Variants in TACO1 observed in about 807,000 individuals in gnomAD.
The protein encoded by TACO1 is translational activator of cytochrome c oxidase 1.
TACO1 carries 13 observed loss-of-function variants against 24.0 expected under a neutral mutation model. The ratio of observed to expected loss-of-function variants is 0.54; its 90% CI spans 0.35 to 0.86. TACO1 has a LOEUF of 0.86. Ranked by LOEUF, TACO1 falls within the 40% of genes least tolerant of loss-of-function variation. The pLI is 0.01. For missense variants in TACO1, 352 were observed against 380.1 expected, an observed-to-expected ratio of 0.93 and a Z score of 0.61; for synonymous variants, 149 against 153.5, an observed-to-expected ratio of 0.97 and a Z score of 0.22.
At position 63,602,090 on chromosome 17, in the gene TACO1, C is replaced by CAAAAA. The variant is rs11288092; in HGVS notation, c.280+744_280+748dup. Among the ~76,000 whole-genome samples the CAAAAA allele has an allele frequency of 2.6e-4, 22 of 84,216 alleles. 1 individual carries two copies. The highest frequency in any genetic ancestry group is 3.3e-4 in the East Asian group (1 of 3,024). The allele number at this position is 84,216 out of a possible 152,430, so 55.2% of individuals were successfully genotyped here. A position where few individuals can be genotyped will look rare whatever the true frequency, so the allele number is the denominator to read the frequency against. ...GAAACCCTGTGTCTACTAAAAATAA[C>CAAAAA]AAAAAAAAAAAAAAAAAAAAACAGC... On this transcript the variant is annotated intron_variant, in intron 1 of 4. Transcript: ENST00000258975.
intron 3 of TACO1, 167 bp downstream of exon 3, chr17:63,606,607 A>G: frequency 1.3e-6 from 1 of 792,274 alleles, no homozygotes; most frequent in Non-Finnish European, 2.1e-6. Flanking sequence ...GTGCAATGGC[A>G]TGATCTTGGC....
intron 4 of TACO1, 142 bp from the exon 5 acceptor site, chr17:63,607,660 A>C: frequency 1.0e-6 from 1 of 972,858 alleles, no homozygotes. Flanking sequence ...GAGTCAAAAC[A>C]TTGAAAACGA....
In TACO1 at chr17:63,601,332, A is replaced by G; in HGVS notation, c.249A>G (p.Lys83=). Residue 83 remains lysine (K), a synonymous_variant, in exon 1 of 5, where the codon AAA becomes AAG. Coordinates refer to ENST00000258975, the MANE Select transcript of TACO1 (RefSeq NM_016360.4). ...KDVERSRIFS[K]LCLNIRLAVK... ...TCGAAAGGAGTCGCATCTTCTCCAA[A>G]CTCTGTTTGAACATCCGCCTGGCAG... 6.2e-7 allele frequency: 1 copy of G among 1,612,910 alleles called. No individual in the cohort carries two copies. Among genetic ancestry groups the G allele is most frequent in the South Asian group, 1.1e-5 (1 of 91,030 alleles).
rs368499145 is a variant in TACO1, at chr17:63,604,605, C to G, written c.352C>G (p.Pro118Ala). ...AGAGGTGTGTCGCAGCAAACATATG[C>G]CCAAGTCAACGATTGAGACAGCACT... is the stretch of plus-strand genomic sequence containing the variant. ...ILEVCRSKHMPKSTIETALKM... is the reference protein window; with the variant it reads ...ILEVCRSKHMAKSTIETALKM... Residue 118 changes from proline (P) to alanine (A), a missense_variant, in exon 2 of 5, where the codon CCC (proline) becomes GCC (alanine). Physicochemically the swap from Pro to Ala is conservative, Grantham distance 27. Transcript: ENST00000258975. 1.2e-6 allele frequency: 2 copies of G among 1,613,972 alleles called. No individual in the cohort carries two copies. Among genetic ancestry groups the G allele is most frequent in the Non-Finnish European group, 1.7e-6 (2 of 1,180,026 alleles).
Position 63,608,172 on chromosome 17 carries a change from C to T in TACO1, c.*170C>T, listed in dbSNP as rs1036596937. 1.4e-6 allele frequency: 1 copy of T among 729,148 alleles called. No homozygotes were observed. Among genetic ancestry groups the T allele is most frequent in the South Asian group, 1.6e-5 (1 of 63,678 alleles). 45.2% of individuals were successfully genotyped at this position (729,148 alleles called of 1,614,324 possible). ...GCCAAAGGAATCTCACTTGTGGGGC[C>T]TCCTTGTCAGCTCTGCTGCTGTCTC... On this transcript the variant is annotated 3_prime_UTR_variant, in exon 5 of 5. Transcript: ENST00000258975.
chr17:63,606,796 G>A, intron 3 of TACO1: 1 of 366,968 alleles, frequency 2.7e-6, no homozygotes, highest in Non-Finnish European at 5.2e-6. Context: ...TGATCCACCT[G>A]CCTCAGCCTC....
In TACO1 at chr17:63,607,899, C is replaced by T; in HGVS notation, c.791C>T (p.Ser264Leu). ...TGTGCACTAGAGTTCATCCCCAACT[C>T]AAAGGTGCAGCTGGCTGAGCCCGAC... Reference protein sequence around the residue: ...VSCALEFIPNSKVQLAEPDLE... With the variant: ...VSCALEFIPNLKVQLAEPDLE... The change falls in exon 5 of 5, where the codon TCA (serine) becomes TTA (leucine). Residue 264 changes from serine (S) to leucine (L), a missense_variant. Physicochemically the swap from Ser to Leu is moderately radical, Grantham distance 145. Transcript: ENST00000258975. 1.9e-6 allele frequency: 3 copies of T among 1,614,230 alleles called. No homozygotes were observed. The highest frequency in any genetic ancestry group is 2.5e-6 in the Non-Finnish European group (3 of 1,180,046).
chr17:63,607,333 G>A lies in TACO1; in HGVS notation c.562G>A (p.Val188Met). The A allele has an allele frequency of 6.2e-7, 1 of 1,614,212 alleles. No homozygotes were observed. The highest frequency in any genetic ancestry group is 8.5e-7 in the Non-Finnish European group (1 of 1,180,042). Residue 188 changes from valine (V) to methionine (M), a missense_variant, in exon 4 of 5, where the codon GTG (valine) becomes ATG (methionine). Coordinates refer to ENST00000258975, the MANE Select transcript of TACO1 (RefSeq NM_016360.4). ...GARHSFDKKG[V>M]IVVEVEDREK... ...TCGTCACTCTTTTGACAAAAAGGGG[G>A]TGATTGTGGTTGAAGTGGAGGACAG... is the stretch of plus-strand genomic sequence containing the variant.
In TACO1 at chr17:63,601,169, C is replaced by T. The variant is rs769783943; in HGVS notation, c.86C>T (p.Pro29Leu). The change falls in exon 1 of 5, where the codon CCG becomes CTG. Residue 29 changes from proline to leucine, a missense_variant. Coordinates refer to ENST00000258975, the MANE Select transcript of TACO1 (RefSeq NM_016360.4). Reference sequence around the variant, plus strand: ...GGCCCCGGGGTCAGGGCGGCTCCTCCGCGCGACCCCCGGCCCTCCCACCCC... The same window carrying T: ...GGCCCCGGGGTCAGGGCGGCTCCTCTGCGCGACCCCCGGCCCTCCCACCCC... Reference protein sequence around the residue: ...ARGPGVRAAPPRDPRPSHPEP... With the variant: ...ARGPGVRAAPLRDPRPSHPEP... 18 of 1,546,578 alleles carry T rather than the reference C, an allele frequency of 1.2e-5. 1 individual carries two copies. In the South Asian group the frequency reaches 2.1e-4, roughly 18 times the overall value.
intron 1 of TACO1, among the ~76,000 whole-genome samples, chr17:63,603,613 G>C (rs1001670168): frequency 8.5e-5 from 13 of 152,264 alleles, no homozygotes; most frequent in South Asian, 2.1e-4. Context: ...GGCTGAGGCA[G>C]GAGAATCCCT....
chr17:63,606,052 G>A (rs1183934811), intron 2 of TACO1, among the ~76,000 whole-genome samples: 2 of 152,152 alleles, frequency 1.3e-5, no homozygotes, highest in East Asian at 3.9e-4. Context: ...CATTTGGTTA[G>A]GGATGGTAGG....
Position 63,607,438 on chromosome 17 carries a change from G to A in TACO1, c.667G>A (p.Asp223Asn). 2 of 1,614,216 alleles carry A rather than the reference G, an allele frequency of 1.2e-6. No individual in the cohort carries two copies. Among genetic ancestry groups the A allele is most frequent in the South Asian group, 1.1e-5 (1 of 91,088 alleles). The change falls in exon 4 of 5, where the codon GAT becomes AAT. Residue 223 changes from aspartate to asparagine, a missense_variant. Asp to Asn is a conservative substitution (Grantham distance 23). Transcript: ENST00000258975. ...AGAEDVKETE[D>N]EEERNVFKFI... is the part of the protein sequence containing the mutation. ...AGCTGAGGATGTCAAGGAAACTGAA[G>A]ATGAAGAAGAAAGGAACGTTTTTAA... is the stretch of plus-strand genomic sequence containing the variant.
Position 63,602,388 on chromosome 17 carries a change from C to A in TACO1, c.280+1025C>A, listed in dbSNP as rs112966072. On this transcript the variant is annotated intron_variant, in intron 1 of 4. Transcript: ENST00000258975. ...TTCTCTGAAACAAGGATAATACCCACCTTGAGGTAGTTTATGGTTTATGGC... is the reference window on the plus strand; with the variant it reads ...TTCTCTGAAACAAGGATAATACCCAACTTGAGGTAGTTTATGGTTTATGGC... Among the ~76,000 whole-genome samples, 1,187 of 152,156 alleles carry A rather than the reference C, an allele frequency of 7.8e-3. 10 individuals carry two copies. Among genetic ancestry groups the A allele is most frequent in the Non-Finnish European group, 0.012 (840 of 68,014 alleles).
chr17:63,606,660 CT>C lies in TACO1; in HGVS notation c.515+221del, dbSNP rs1598045728. On this transcript the variant is annotated intron_variant, in intron 3 of 4. Transcript: ENST00000258975. The stretch of plus-strand genomic sequence containing the variant: ...TTCTGGGTTCAAGTGATTCTCCTGC[CT>C]CAGCCTCCTGAGTAGCTGGGATTAA... 7.1e-6 allele frequency: 4 copies of C among 561,236 alleles called. No individual in the cohort carries two copies. In the East Asian group the frequency reaches 1.3e-4, roughly 18 times the overall value. 34.8% of individuals were successfully genotyped at this position (561,236 alleles called of 1,614,324 possible).
In TACO1 at chr17:63,608,062, AGGCTTCT is replaced by A. The variant is rs1170515981; in HGVS notation, c.*62_*68del. 6.4e-7 allele frequency: 1 copy of A among 1,573,634 alleles called. No homozygotes were observed. Among genetic ancestry groups the A allele is most frequent in the Non-Finnish European group, 8.7e-7 (1 of 1,149,282 alleles). ...AATGTGGCAGCCCATTCCAGCACAC[AGGCTTCT>A]GCAGCAATCTCTGAGGGTAAAGCCG... On this transcript the variant is annotated 3_prime_UTR_variant, in exon 5 of 5. Coordinates refer to ENST00000258975, the MANE Select transcript of TACO1 (RefSeq NM_016360.4).
chr17:63,607,524 T>C lies in TACO1; in HGVS notation c.693+60T>C, dbSNP rs73333836. On this transcript the variant is annotated intron_variant, in intron 4 of 4. Transcript: ENST00000258975. ...CGGGAGGACCCTGATAGATGCCTTATGCATGCCTCTTGGTTTCTTCCTTCA... is the reference window on the plus strand; with the variant it reads ...CGGGAGGACCCTGATAGATGCCTTACGCATGCCTCTTGGTTTCTTCCTTCA... 0.016 allele frequency: 24,941 copies of C among 1,564,846 alleles called. 3,217 individuals are homozygous for C. The African/African-American group carries it at 0.29, about 18-fold the overall frequency.
intron 1 of TACO1, among the ~76,000 whole-genome samples, chr17:63,602,302 T>C (rs1316559667): frequency 1.3e-5 from 2 of 151,402 alleles, no homozygotes; most frequent in African/African-American, 4.8e-5. Flanking sequence ...CTGTGGACTT[T>C]GGAGTCAGGA....
intron 3 of TACO1, 108 bp downstream of exon 3, chr17:63,606,548 G>GT (rs1216729870): frequency 4.1e-6 from 6 of 1,479,330 alleles, no homozygotes; most frequent in East Asian, 2.3e-5. Context: ...TTTGTTTTTT[G>GT]TTTTTTTGTT....
Position 63,601,244 on chromosome 17 carries a change from C to T in TACO1, c.161C>T (p.Ala54Val). ...AAPGRTLHFT[A>V]AVPAGHNKWS... ...CCGGGCAGGACGCTGCACTTTACCG[C>T]GGCTGTCCCCGCCGGGCACAACAAG... Residue 54 changes from alanine (A) to valine (V), a missense_variant, in exon 1 of 5, where the codon GCG becomes GTG. By Grantham distance (64) the Ala-to-Val change is moderately conservative. Transcript: ENST00000258975. 1.2e-6 allele frequency: 2 copies of T among 1,607,496 alleles called. No homozygotes were observed. Among genetic ancestry groups the T allele is most frequent in the South Asian group, 1.1e-5 (1 of 90,090 alleles).
Sources: allele counts gnomAD v4.1 joint callset (sites outside exome capture counted in the v4.1 genomes callset), GRCh38; gene constraint gnomAD v4.1.1; transcripts MANE v1.5; gene names NCBI Gene and HGNC (gene_info 2026-07-23, HGNC 2026-07-21).